Variants in DLG2 observed in about 807,000 individuals in gnomAD.
The protein encoded by DLG2 is discs large MAGUK scaffold protein 2.
DLG2 carries 45 observed loss-of-function variants against 132.5 expected under a neutral mutation model. That is an observed-to-expected ratio of 0.34 (90% confidence interval 0.27 to 0.44). DLG2 has a LOEUF of 0.44. Among genes scored for constraint, DLG2 ranks in the 20% least tolerant of loss-of-function variants. DLG2 has a pLI of 1.00. For synonymous variants in DLG2, 424 were observed against 419.6 expected (o/e 1.01, Z -0.13); for missense variants, 1,045 against 1,196.9 (o/e 0.87, Z 1.87).
chr11:84,871,479 G>T (rs1205207559), intron 6 of DLG2, among the ~76,000 whole-genome samples: 1 of 152,132 alleles, frequency 6.6e-6, no homozygotes, highest in African/African-American at 2.4e-5. Context: ...TTGTTTGTGT[G>T]CTTGAACCTT....
intron 6 of DLG2, among the ~76,000 whole-genome samples, chr11:85,080,294 TTTC>T (rs1477053031): frequency 1.3e-5 from 2 of 152,060 alleles, no homozygotes; most frequent in Non-Finnish European, 2.9e-5. Flanking sequence ...AAGGTAATCT[TTTC>T]TTGTTTGTTT....
rs184142257 is a variant in DLG2 at position 84,829,780 on chromosome 11, G to A, written c.357+281881C>T. Among the ~76,000 whole-genome samples, 801 of 151,732 alleles carry A rather than the reference G, an allele frequency of 5.3e-3. 5 individuals carry two copies. Among genetic ancestry groups the A allele is most frequent in the Middle Eastern group, 0.031 (9 of 294 alleles). On this transcript the variant is annotated intron_variant, in intron 6 of 27. Transcript: ENST00000376104. ...GCTAGTTAAATCAAAAGATACTTGA[G>A]ACATTTTCTGTTTTTATTATTTATG...
intron 6 of DLG2, among the ~76,000 whole-genome samples, chr11:84,659,951 C>T (rs553219492): frequency 3.3e-5 from 5 of 152,246 alleles, no homozygotes; most frequent in African/African-American, 9.6e-5. Context: ...GGGCTTCTGT[C>T]TTCTACTCAT....
intron 7 of DLG2, among the ~76,000 whole-genome samples, chr11:84,265,804 T>C (rs2097619295): frequency 6.6e-6 from 1 of 152,122 alleles, no homozygotes; most frequent in Non-Finnish European, 1.5e-5. Flanking sequence ...CCATTGCTCC[T>C]AAGCATCTTC....
rs557043992 is a variant in DLG2, at chr11:85,452,911, G to A, written c.40+145746C>T. ...CATTATACTTTCTTGAAGGCAAAGA[G>A]AAGCAACTTCAGGGAGGTGACTAAG... On this transcript the variant is annotated intron_variant, in intron 3 of 27. Transcript: ENST00000376104. 24 of 211,056 alleles carry A rather than the reference G, an allele frequency of 1.1e-4. No homozygotes were observed. The South Asian group carries it at 2.2e-3, about 19-fold the overall frequency. 13.1% of individuals were successfully genotyped at this position (211,056 alleles called of 1,614,324 possible).
At chr11:84,147,540 T>A (rs1476052834) in intron 9 of DLG2, among the ~76,000 whole-genome samples, 1 of 152,146 alleles carries the variant, frequency 6.6e-6, no homozygotes. Context: ...TAATTTCTTA[T>A]CTAGCCTGGA....
At chr11:83,483,309 G>T in intron 22 of DLG2, 1 of 1,610,498 alleles carries the variant, frequency 6.2e-7, no homozygotes, top group Non-Finnish European at 8.5e-7. Flanking sequence ...CTGCATGGAA[G>T]TCCCCAGAGA....
chr11:84,070,787 T>C (rs1221904125), intron 10 of DLG2, among the ~76,000 whole-genome samples: 3 of 152,184 alleles, frequency 2.0e-5, no homozygotes, highest in Admixed American at 2.0e-4. Context: ...TGTGTTTGAG[T>C]ACAGTGATCT....
chr11:83,491,803 C>G (rs575407791), intron 21 of DLG2, among the ~76,000 whole-genome samples: 7 of 152,104 alleles, frequency 4.6e-5, no homozygotes, highest in Admixed American at 2.0e-4. Flanking sequence ...GCACCCTTCT[C>G]CAGCCACCAC....
At chr11:83,696,406 C>G (rs2081953224) in intron 18 of DLG2, among the ~76,000 whole-genome samples, 1 of 152,098 alleles carries the variant, frequency 6.6e-6, no homozygotes, top group Admixed American at 6.5e-5. Flanking sequence ...TATGAGAATG[C>G]ACTTTATATA....
intron 6 of DLG2, among the ~76,000 whole-genome samples, chr11:84,822,733 G>T (rs2077844685): frequency 6.6e-6 from 1 of 151,840 alleles, no homozygotes; most frequent in Non-Finnish European, 1.5e-5. Flanking sequence ...CTTGACACAT[G>T]TCTACACTTT....
At chr11:83,700,738 A>T (rs1335326150) in intron 18 of DLG2, among the ~76,000 whole-genome samples, 1 of 152,086 alleles carries the variant, frequency 6.6e-6, no homozygotes, top group Non-Finnish European at 1.5e-5. Flanking sequence ...TGAAAATAAA[A>T]AAAAACTGGC....
chr11:84,880,065 A>C (rs1027505481), intron 6 of DLG2, among the ~76,000 whole-genome samples: 6 of 152,164 alleles, frequency 3.9e-5, no homozygotes, highest in African/African-American at 1.4e-4. Context: ...TCATACTATT[A>C]ATATGAATCA....
intron 3 of DLG2, among the ~76,000 whole-genome samples, chr11:85,369,874 T>G (rs559758911): frequency 1.5e-4 from 23 of 152,312 alleles, no homozygotes; most frequent in African/African-American, 4.8e-4. Flanking sequence ...ATCAAGTATT[T>G]TTTAAAAAGG....
chr11:84,636,574 T>C (rs1363753721), intron 6 of DLG2, among the ~76,000 whole-genome samples: 2 of 152,156 alleles, frequency 1.3e-5, no homozygotes, highest in Non-Finnish European at 2.9e-5. Flanking sequence ...AAATGACGGT[T>C]TTTATTATGC....
intron 12 of DLG2, among the ~76,000 whole-genome samples, chr11:83,967,648 T>C (rs182910498): frequency 6.6e-6 from 1 of 152,254 alleles, no homozygotes; most frequent in East Asian, 1.9e-4. Context: ...TATCATCAGA[T>C]ATATGGTTTG....
At chr11:84,804,998 G>A (rs2075829353) in intron 6 of DLG2, among the ~76,000 whole-genome samples, 1 of 152,178 alleles carries the variant, frequency 6.6e-6, no homozygotes, top group African/African-American at 2.4e-5. Flanking sequence ...CCCTTTCCTG[G>A]CTAGGGTGGT....
At chr11:83,819,622 T>C (rs760612325) in intron 17 of DLG2, among the ~76,000 whole-genome samples, 1 of 152,052 alleles carries the variant, frequency 6.6e-6, no homozygotes, top group South Asian at 2.1e-4. Context: ...TAGTTTATGT[T>C]ACACACAAAA....
At chr11:84,316,069 A>G (rs1164602775) in intron 7 of DLG2, among the ~76,000 whole-genome samples, 1 of 152,168 alleles carries the variant, frequency 6.6e-6, no homozygotes, top group African/African-American at 2.4e-5. Context: ...AGAGAGAAAA[A>G]AATGAGCCAA....
Sources: allele counts gnomAD v4.1 joint callset (sites outside exome capture counted in the v4.1 genomes callset), GRCh38; gene constraint gnomAD v4.1.1; transcripts MANE v1.5; gene names NCBI Gene and HGNC (gene_info 2026-07-23, HGNC 2026-07-21).